Variants in SDK2 observed in about 807,000 individuals in gnomAD.
SDK2 encodes the protein protein sidekick-2.
Under a neutral mutation model 253.9 loss-of-function variants are expected in SDK2, and 105 were observed. The ratio of observed to expected loss-of-function variants is 0.41; its 90% CI spans 0.35 to 0.49. The LOEUF is 0.49. SDK2 is among the 20% of genes least tolerant of loss of function. The pLI is 0.06. For missense variants in SDK2, 2,608 were observed against 3,003.0 expected (o/e 0.87, Z 3.07); for synonymous variants, 1,249 against 1,234.9 (o/e 1.01, Z -0.24).
At chr17:73,440,657 C>A (rs2063408114) in intron 6 of SDK2, among the ~76,000 whole-genome samples, 155 bp downstream of exon 6, 1 of 152,206 alleles carries the variant, frequency 6.6e-6, no homozygotes, top group Admixed American at 6.5e-5. Context: ...TACACAGCAA[C>A]CCTCTGACAA....
intron 43 of SDK2, among the ~76,000 whole-genome samples, chr17:73,349,649 C>A (rs1052897615): frequency 6.6e-6 from 1 of 152,222 alleles, no homozygotes; most frequent in Non-Finnish European, 1.5e-5. Flanking sequence ...GAGCCTTGTC[C>A]TGTCCTCATG....
chr17:73,426,322 C>T (rs572309127), intron 12 of SDK2, among the ~76,000 whole-genome samples: 6 of 150,876 alleles, frequency 4.0e-5, no homozygotes, highest in South Asian at 2.1e-4. Flanking sequence ...CTGCCTCTGC[C>T]GCCCAAAGTG....
chr17:73,595,829 GGGGC>G (rs2045749974), intron 1 of SDK2, among the ~76,000 whole-genome samples: 1 of 152,332 alleles, frequency 6.6e-6, no homozygotes, highest in East Asian at 1.9e-4. Context: ...GGCAGCCAGG[GGGGC>G]TGAGAGGGGC....
chr17:73,452,213 A>G (rs1023328090), intron 4 of SDK2, among the ~76,000 whole-genome samples: 1 of 152,120 alleles, frequency 6.6e-6, no homozygotes, highest in African/African-American at 2.4e-5. Context: ...GGTGGTGCTA[A>G]TCTCTGCTCT....
At chr17:73,404,985 A>T (rs1190829000) in intron 18 of SDK2, among the ~76,000 whole-genome samples, 1 of 151,626 alleles carries the variant, frequency 6.6e-6, no homozygotes, top group East Asian at 2.0e-4. Context: ...ACGGAAAGTC[A>T]CTTGACCACT....
At chr17:73,354,199 G>A (rs1473097924) in intron 40 of SDK2, among the ~76,000 whole-genome samples, 5 of 152,262 alleles carry the variant, frequency 3.3e-5, no homozygotes, top group South Asian at 4.1e-4. Flanking sequence ...GAGCCACCGC[G>A]CTCAGCCAAC....
At chr17:73,634,538 G>A (rs1191624028) in intron 1 of SDK2, among the ~76,000 whole-genome samples, 2 of 152,200 alleles carry the variant, frequency 1.3e-5, no homozygotes, top group Non-Finnish European at 2.9e-5. Flanking sequence ...CCTTAAGGCT[G>A]AACAGCTGAT....
chr17:73,386,390 G>A (rs1599509259), intron 31 of SDK2, 55 bp downstream of exon 31: 1 of 1,277,146 alleles, frequency 7.8e-7, no homozygotes, highest in Non-Finnish European at 1.1e-6. Context: ...AATGCCCCAT[G>A]CCCAGGAAGC....
At chr17:73,368,363 C>T (rs373438261) in intron 37 of SDK2, 44 bp downstream of exon 37, 42 of 1,395,528 alleles carry the variant, frequency 3.0e-5, no homozygotes, top group Non-Finnish European at 3.3e-5. Flanking sequence ...TGCAACCCCC[C>T]GTGGCCGACC....
chr17:73,563,693 G>A (rs1474166958), intron 1 of SDK2, among the ~76,000 whole-genome samples: 2 of 152,076 alleles, frequency 1.3e-5, no homozygotes, highest in African/African-American at 4.8e-5. Context: ...GTCAATTTTA[G>A]GTATACATAT....
At chr17:73,637,999 T>C (rs1317633545) in intron 1 of SDK2, among the ~76,000 whole-genome samples, 2 of 152,204 alleles carry the variant, frequency 1.3e-5, no homozygotes, top group Admixed American at 1.3e-4. Context: ...CCCCATTCCA[T>C]GGATGCATCT....
intron 36 of SDK2, among the ~76,000 whole-genome samples, chr17:73,370,355 A>G (rs2062724343): frequency 6.6e-6 from 1 of 151,714 alleles, no homozygotes; most frequent in Admixed American, 6.6e-5. Flanking sequence ...CCATCCTCCC[A>G]CCTCAGCCTC....
At chr17:73,561,388 C>T (rs970859183) in intron 1 of SDK2, among the ~76,000 whole-genome samples, 1 of 152,130 alleles carries the variant, frequency 6.6e-6, no homozygotes, top group South Asian at 2.1e-4. Flanking sequence ...GGAGAGAAGA[C>T]GTCAGCACAG....
Position 73,387,997 on chromosome 17 carries a change from C to G in SDK2, c.4233G>C (p.Glu1411Asp). Reference sequence around the variant, plus strand: ...GCAGCACGCTGCGTGCTCTCACATCCTCCTGCTGCACCATCGGCCTGCTGG... The same window carrying G: ...GCAGCACGCTGCGTGCTCTCACATCGTCCTGCTGCACCATCGGCCTGCTGG... ...QPPSRPMVQQ[E>D]DVRARSVLLS... is the part of the protein sequence containing the mutation. The change falls in exon 30 of 45, where the codon GAG (glutamate) becomes GAC (aspartate). Residue 1411 changes from glutamate to aspartate, a missense_variant. Glu to Asp is a conservative substitution (Grantham distance 45). This residue lies in a region of SDK2 where 1,103 missense variants were observed against 1,143.9 expected (regional missense o/e 0.96). Transcript: ENST00000392650. 6.4e-7 allele frequency: 1 copy of G among 1,570,252 alleles called. No individual in the cohort carries two copies. Among genetic ancestry groups the G allele is most frequent in the South Asian group, 1.2e-5 (1 of 85,294 alleles).
At chr17:73,429,072 T>A (rs2063306217) in intron 12 of SDK2, among the ~76,000 whole-genome samples, 1 of 152,226 alleles carries the variant, frequency 6.6e-6, no homozygotes, top group Non-Finnish European at 1.5e-5. Flanking sequence ...AATGTATGTC[T>A]TTCTCAAATA....
Position 73,534,033 on chromosome 17 carries a change from C to T in SDK2, c.65-26436G>A, listed in dbSNP as rs2145808547. On this transcript the variant is annotated intron_variant, in intron 1 of 44. Transcript: ENST00000392650. This position sits in a 1 kb window ranked among gnomAD's most constrained non-coding sequence, Gnocchi z 4.9. Reference sequence around the variant, plus strand: ...CTTGCAGCCAAGACGCCATTCTGCTCCGCCTGCTCCCTGCTCCTCCTCCTC... The same window carrying T: ...CTTGCAGCCAAGACGCCATTCTGCTTCGCCTGCTCCCTGCTCCTCCTCCTC... Among the ~76,000 whole-genome samples, 1 of 152,278 alleles carries T rather than the reference C, an allele frequency of 6.6e-6. No individual in the cohort carries two copies. The highest frequency in any genetic ancestry group is 2.1e-4 in the South Asian group (1 of 4,824).
At chr17:73,440,317 G>A (rs936631679) in intron 6 of SDK2, among the ~76,000 whole-genome samples, 1 of 151,992 alleles carries the variant, frequency 6.6e-6, no homozygotes, top group Admixed American at 6.6e-5. Flanking sequence ...TGTTGGTCAG[G>A]CTGGTCTTGA....
intron 39 of SDK2, among the ~76,000 whole-genome samples, chr17:73,359,955 T>G (rs1371474855): frequency 1.3e-5 from 2 of 152,178 alleles, no homozygotes; most frequent in African/African-American, 4.8e-5. Flanking sequence ...TCTTTCTTTC[T>G]CAGAGTGCCC....
chr17:73,402,305 A>C (rs560241624), intron 18 of SDK2, among the ~76,000 whole-genome samples, 164 bp from the exon 19 acceptor site: 3 of 152,340 alleles, frequency 2.0e-5, no homozygotes, highest in Non-Finnish European at 4.4e-5. Context: ...CCTGCGGGGT[A>C]CTGGGGTTCA....
Sources: gnomAD v4.1 joint callset for allele counts (sites outside exome capture counted in the v4.1 genomes callset) on GRCh38, gnomAD v4.1.1 for gene constraint, gnomAD v4.1.1 regional missense constraint, Gnocchi (gnomAD v3.1) non-coding constraint, MANE v1.5 for transcripts, NCBI Gene and HGNC (gene_info 2026-07-23, HGNC 2026-07-21) for gene names.